Variants in ANK3 observed in about 807,000 individuals in gnomAD.
ANK3 encodes ankyrin 3.
A neutral mutation model predicts 370.9 loss-of-function variants in ANK3; 57 were observed. That is an observed-to-expected ratio of 0.15 (90% CI 0.12 to 0.19). The LOEUF (loss-of-function observed/expected upper bound fraction) is 0.19. ANK3 is among the 10% of genes least tolerant of loss of function. The pLI is 1.00. For missense variants in ANK3, 4,439 were observed against 5,302.1 expected (o/e 0.84, Z 5.06); for synonymous variants, 1,929 against 1,946.3 (o/e 0.99, Z 0.23).
At chr10:60,630,583 C>A (rs1343149980) in intron 1 of ANK3, among the ~76,000 whole-genome samples, 1 of 152,024 alleles carries the variant, frequency 6.6e-6, no homozygotes, top group Non-Finnish European at 1.5e-5. Flanking sequence ...TAGTTTGGGT[C>A]AGGTTGCAGG....
chr10:60,295,048 G>A (rs1172074762), intron 1 of ANK3, among the ~76,000 whole-genome samples: 2 of 152,176 alleles, frequency 1.3e-5, no homozygotes, highest in Non-Finnish European at 2.9e-5. Context: ...GTGACTTTCC[G>A]TTATGTTACC....
chr10:60,268,034 T>C (rs2097907753), intron 5 of ANK3, among the ~76,000 whole-genome samples: 1 of 152,196 alleles, frequency 6.6e-6, no homozygotes, highest in Admixed American at 6.5e-5. Context: ...AGGGTCTCAC[T>C]GTTGCCCAGG....
intron 2 of ANK3, among the ~76,000 whole-genome samples, chr10:60,480,236 G>A (rs2075176505): frequency 6.6e-6 from 1 of 152,112 alleles, no homozygotes; most frequent in African/African-American, 2.4e-5. Flanking sequence ...GTCTTGTTCA[G>A]TTTAAAATGT....
chr10:60,622,556 G>T (rs1595358373), intron 1 of ANK3, among the ~76,000 whole-genome samples: 1 of 152,166 alleles, frequency 6.6e-6, no homozygotes, highest in East Asian at 1.9e-4. Context: ...AGGCTTTAAA[G>T]TCACTTCTAA....
At chr10:60,227,365 T>C (rs2097179248) in intron 8 of ANK3, among the ~76,000 whole-genome samples, 1 of 152,040 alleles carries the variant, frequency 6.6e-6, no homozygotes, top group Non-Finnish European at 1.5e-5. Context: ...AATTTTTTTC[T>C]TTTTGATTTT....
intron 2 of ANK3, among the ~76,000 whole-genome samples, chr10:60,434,362 T>C (rs774697353): frequency 2.6e-5 from 4 of 152,244 alleles, no homozygotes; most frequent in Non-Finnish European, 5.9e-5. Flanking sequence ...TATAGGTAAT[T>C]AGAATATGGC....
At chr10:60,710,331 TA>T (rs1459326611) in intron 1 of ANK3, among the ~76,000 whole-genome samples, 16 of 152,320 alleles carry the variant, frequency 1.1e-4, no homozygotes, top group African/African-American at 3.8e-4. Flanking sequence ...GTAATTTTTA[TA>T]GAGTTAGGAT....
chr10:60,611,763 A>T (rs1255914400), intron 2 of ANK3, among the ~76,000 whole-genome samples: 9 of 151,090 alleles, frequency 6.0e-5, no homozygotes, highest in Non-Finnish European at 1.2e-4. Context: ...AGTCACATTT[A>T]CAGGCATCTA....
intron 2 of ANK3, among the ~76,000 whole-genome samples, chr10:60,424,793 C>T (rs1003908363): frequency 1.3e-5 from 2 of 151,968 alleles, no homozygotes; most frequent in South Asian, 2.1e-4. Flanking sequence ...TTCAACTGAC[C>T]TTTTCTAATT....
At position 60,028,945 on chromosome 10, in the gene ANK3, A is replaced by G. The variant is rs1449107011; in HGVS notation, c.*901T>C. On this transcript the variant is annotated 3_prime_UTR_variant, in exon 44 of 44. Transcript: ENST00000280772. ...TGAAGGGCTTTGTGTTTACAGATAA[A>G]ATCTTTTGTGTTGCAGTATACTGTA... 6.6e-6 allele frequency: 1 copy of G among 152,590 alleles called. No homozygotes were observed. The highest frequency in any genetic ancestry group is 1.5e-5 in the Non-Finnish European group (1 of 68,036). 9.5% of individuals were successfully genotyped at this position (152,590 alleles called of 1,614,324 possible). A position where few individuals can be genotyped will look rare whatever the true frequency, so the allele number is the denominator to read the frequency against.
At chr10:60,184,011 T>A (rs1376750129) in intron 17 of ANK3, among the ~76,000 whole-genome samples, 1 of 152,086 alleles carries the variant, frequency 6.6e-6, no homozygotes, top group Non-Finnish European at 1.5e-5. Flanking sequence ...AAAGCAAAAT[T>A]GAATCAAATC....
intron 1 of ANK3, chr10:60,684,618 C>T: frequency 1.3e-6 from 2 of 1,590,086 alleles, no homozygotes; most frequent in South Asian, 1.1e-5. Context: ...CTGTCTTATA[C>T]AGGCTGCAGT....
At chr10:60,196,876 T>C (rs896906393) in intron 14 of ANK3, among the ~76,000 whole-genome samples, 7 of 152,168 alleles carry the variant, frequency 4.6e-5, no homozygotes, top group African/African-American at 1.7e-4. Flanking sequence ...CTAATCTTTC[T>C]CCCTTCTGCT....
At chr10:60,099,341 T>C (rs376636063) in intron 28 of ANK3, among the ~76,000 whole-genome samples, 2 of 152,368 alleles carry the variant, frequency 1.3e-5, no homozygotes, top group East Asian at 1.9e-4. Flanking sequence ...AGAGTTGTTA[T>C]ATGCAGTGGG....
At chr10:60,612,902 A>G (rs1368709622) in intron 2 of ANK3, among the ~76,000 whole-genome samples, 1 of 152,208 alleles carries the variant, frequency 6.6e-6, no homozygotes, top group Non-Finnish European at 1.5e-5. Flanking sequence ...TACCATATAT[A>G]AAAATTGCTA....
chr10:60,708,007 G>C (rs1173803242), intron 1 of ANK3, among the ~76,000 whole-genome samples: 1 of 152,160 alleles, frequency 6.6e-6, no homozygotes, highest in Admixed American at 6.5e-5. Context: ...CCTGGGAAAG[G>C]AGAGGCCAGG....
chr10:60,222,881 A>T (rs1034939772), intron 8 of ANK3, among the ~76,000 whole-genome samples: 16 of 152,116 alleles, frequency 1.1e-4, no homozygotes, highest in Admixed American at 6.6e-5. Context: ...ATCTTTTCAC[A>T]AATTAAATGG....
chr10:60,380,712 A>G (rs2061439920), intron 1 of ANK3, among the ~76,000 whole-genome samples: 1 of 152,120 alleles, frequency 6.6e-6, no homozygotes, highest in Non-Finnish European at 1.5e-5. Flanking sequence ...CCTTCCTGCA[A>G]TAAAAAAATC....
chr10:60,617,230 G>C (rs549961687), intron 1 of ANK3, among the ~76,000 whole-genome samples: 2 of 152,070 alleles, frequency 1.3e-5, no homozygotes, highest in South Asian at 4.2e-4. Flanking sequence ...TGCTTAGAAA[G>C]TTCTTCCTCA....
Sources: gnomAD v4.1 joint callset for allele counts (sites outside exome capture counted in the v4.1 genomes callset) on GRCh38, gnomAD v4.1.1 for gene constraint, MANE v1.5 for transcripts, NCBI Gene and HGNC (gene_info 2026-07-23, HGNC 2026-07-21) for gene names.